ROBO2: variants seen among roughly 807,000 people sequenced by gnomAD.
The protein encoded by ROBO2 is roundabout homolog 2.
In ROBO2, 53 loss-of-function variants were observed where a neutral mutation model predicts 160.8. The ratio of observed to expected loss-of-function variants is 0.33; its 90% confidence interval spans 0.26 to 0.41. The LOEUF (loss-of-function observed/expected upper bound fraction) is 0.41. Among genes scored for constraint, ROBO2 ranks in the 10% least tolerant of loss-of-function variants. The pLI, the probability that ROBO2 is intolerant of heterozygous loss-of-function variation, is 1.00. For missense variants in ROBO2, 1,577 were observed against 1,722.4 expected, an observed-to-expected ratio of 0.92 and a Z score of 1.49; for synonymous variants, 664 against 611.7, an observed-to-expected ratio of 1.09 and a Z score of -1.26.
chr3:77,604,528 T>C (rs753703702), intron 20 of ROBO2, among the ~76,000 whole-genome samples: 1 of 152,150 alleles, frequency 6.6e-6, no homozygotes, highest in Non-Finnish European at 1.5e-5. Context: ...ACTTAGTGCT[T>C]TTTTGAATCC....
intron 2 of ROBO2, among the ~76,000 whole-genome samples, chr3:75,959,264 T>C (rs1023918197): frequency 2.0e-5 from 3 of 151,760 alleles, no homozygotes; most frequent in Non-Finnish European, 4.4e-5. Flanking sequence ...AAGTCTAGTA[T>C]TCCCATACGT....
chr3:76,992,005 G>A (rs1397094143), intron 2 of ROBO2, among the ~76,000 whole-genome samples: 1 of 151,984 alleles, frequency 6.6e-6, no homozygotes, highest in Non-Finnish European at 1.5e-5. Flanking sequence ...TGACCAAATA[G>A]AACTTCTAGT....
intron 2 of ROBO2, among the ~76,000 whole-genome samples, chr3:77,002,420 T>A (rs975714225): frequency 2.3e-5 from 3 of 130,552 alleles, no homozygotes; most frequent in Non-Finnish European, 4.8e-5. Context: ...TATTAAAATA[T>A]TCTTCATATT....
intron 2 of ROBO2, among the ~76,000 whole-genome samples, chr3:76,999,042 A>G (rs1277473349): frequency 2.0e-5 from 3 of 152,070 alleles, no homozygotes; most frequent in Non-Finnish European, 4.4e-5. Context: ...CTTTCTCCCA[A>G]ATTAGTCCAA....
rs1049840214 is a variant in ROBO2, at chr3:77,575,989, G to A, written c.2203+1259G>A. The stretch of plus-strand genomic sequence containing the variant: ...GCTGTGTCTGGGAATGATGAGCGGC[G>A]ATTTGGGTTCTTTCACATCTGTAGA... On this transcript the variant is annotated intron_variant, in intron 14 of 25. Coordinates refer to ENST00000461745, the Ensembl canonical transcript of ROBO2. Among the ~76,000 whole-genome samples, 13 of 152,064 alleles carry A rather than the reference G, an allele frequency of 8.5e-5. No individual in the cohort carries two copies. The South Asian group carries it at 1.0e-3, about 12-fold the overall frequency.
intron 2 of ROBO2, among the ~76,000 whole-genome samples, chr3:77,170,840 T>C (rs1376257147): frequency 6.6e-6 from 1 of 152,136 alleles, no homozygotes; most frequent in African/African-American, 2.4e-5. Flanking sequence ...AAATGAATGT[T>C]TAAAATTTTA....
chr3:77,409,580 T>C (rs2076534861), intron 2 of ROBO2, among the ~76,000 whole-genome samples: 1 of 152,090 alleles, frequency 6.6e-6, no homozygotes, highest in African/African-American at 2.4e-5. Context: ...ATGCGCCGGC[T>C]TTATGAGGGT....
chr3:77,438,133 G>A (rs1289630702), intron 2 of ROBO2, among the ~76,000 whole-genome samples: 2 of 150,956 alleles, frequency 1.3e-5, no homozygotes, highest in African/African-American at 2.4e-5. Context: ...GATTGGATTG[G>A]AAAATGTGCT....
intron 2 of ROBO2, among the ~76,000 whole-genome samples, chr3:76,000,655 A>C: frequency 6.6e-6 from 1 of 151,746 alleles, no homozygotes; most frequent in African/African-American, 2.4e-5. Flanking sequence ...CACCTGGCTA[A>C]TTTTTTTGTA....
chr3:76,583,925 C>T (rs1578319048), intron 2 of ROBO2, among the ~76,000 whole-genome samples: 1 of 152,210 alleles, frequency 6.6e-6, no homozygotes, highest in South Asian at 2.1e-4. Context: ...CAGCTAAAAT[C>T]TTAGGGGTTA....
intron 2 of ROBO2, among the ~76,000 whole-genome samples, chr3:77,314,799 T>C (rs893032367): frequency 6.6e-6 from 1 of 152,222 alleles, no homozygotes; most frequent in African/African-American, 2.4e-5. Flanking sequence ...AATTGTTTCA[T>C]TCAATTCATC....
Position 76,952,289 on chromosome 3 carries a change from A to AT in ROBO2, c.110-145715dup, listed in dbSNP as rs201657218. On this transcript the variant is annotated intron_variant, in intron 2 of 26. Transcript: ENST00000487694. Reference sequence around the variant, plus strand: ...GTAACCTATTTTTATTTTTATTTTTATTTTTTTTTTGAGACAGAGTTTTGC... The same window carrying AT: ...GTAACCTATTTTTATTTTTATTTTTATTTTTTTTTTTGAGACAGAGTTTTGC... Among the ~76,000 whole-genome samples the AT allele has an allele frequency of 7.9e-3, 1,178 of 149,796 alleles. 14 individuals carry two copies. Among genetic ancestry groups the AT allele is most frequent in the African/African-American group, 0.025 (1,014 of 40,990 alleles).
intron 2 of ROBO2, among the ~76,000 whole-genome samples, chr3:77,410,729 CTCTTCCTCCTCCTTTTCCTCCTCCTCT>C (rs2076717455): frequency 5.0e-5 from 7 of 138,754 alleles, no homozygotes; most frequent in East Asian, 2.2e-4. Context: ...CCTCCTCCTC[CTCTTCCTCCTCCTTTTCCTCCTCCTCT>C]TCCTCCTCCT....
At chr3:77,103,843 G>A (rs917133091) in intron 2 of ROBO2, among the ~76,000 whole-genome samples, 31 of 152,288 alleles carry the variant, frequency 2.0e-4, no homozygotes, top group African/African-American at 7.5e-4. Flanking sequence ...ACTTTAGTAT[G>A]AGAGGGCACA....
At chr3:77,212,744 A>G (rs564599562) in intron 2 of ROBO2, among the ~76,000 whole-genome samples, 1 of 152,250 alleles carries the variant, frequency 6.6e-6, no homozygotes, top group South Asian at 2.1e-4. Flanking sequence ...TTTGAGATAC[A>G]TCCCATCAAT....
At chr3:76,129,885 T>C (rs1230555287) in intron 2 of ROBO2, among the ~76,000 whole-genome samples, 1 of 152,042 alleles carries the variant, frequency 6.6e-6, no homozygotes, top group Non-Finnish European at 1.5e-5. Flanking sequence ...TAACTCTAGA[T>C]CATTTTGATA....
exon 17 of ROBO2, chr3:77,588,806 C>A: frequency 6.2e-7 from 1 of 1,613,530 alleles, no homozygotes; most frequent in Non-Finnish European, 8.5e-7. Context: ...CTGAGCAAAT[C>A]ACTGATGTGG....
At chr3:77,321,554 T>C (rs2153431689) in intron 2 of ROBO2, among the ~76,000 whole-genome samples, 1 of 152,124 alleles carries the variant, frequency 6.6e-6, no homozygotes, top group South Asian at 2.1e-4. Flanking sequence ...AAAAGTTTGA[T>C]ACTGGAAAAA....
chr3:76,373,768 A>G (rs2076215200), intron 2 of ROBO2, among the ~76,000 whole-genome samples: 1 of 152,006 alleles, frequency 6.6e-6, no homozygotes, highest in African/African-American at 2.4e-5. Context: ...ACTAATCGTT[A>G]TCATTGTTCA....
Sources: allele counts gnomAD v4.1 joint callset (sites outside exome capture counted in the v4.1 genomes callset), GRCh38; gene constraint gnomAD v4.1.1; transcripts MANE v1.5; gene names NCBI Gene and HGNC (gene_info 2026-07-23, HGNC 2026-07-21).